Variants in AMACR observed in about 807,000 individuals in gnomAD.
AMACR encodes the protein 2-methylacyl-CoA racemase.
A neutral mutation model predicts 22.2 loss-of-function variants in AMACR; 18 were observed. The ratio of observed to expected loss-of-function variants is 0.81; its 90% confidence interval spans 0.56 to 1.20. The LOEUF (loss-of-function observed/expected upper bound fraction) is 1.20, where lower values mean the gene tolerates loss of function less well. Among genes scored for constraint, AMACR ranks in the 50% most tolerant of loss-of-function variants. The probability of loss-of-function intolerance (pLI) is 0.00; values close to 1 mark genes in which losing one functional copy is unlikely to be tolerated. For synonymous variants in AMACR, 213 were observed against 191.3 expected (o/e 1.11, Z -0.94); for missense variants, 499 against 490.6 (o/e 1.02, Z -0.16).
intron 4 of AMACR, among the ~76,000 whole-genome samples, chr5:33,993,173 A>G (rs917382228): frequency 9.2e-5 from 14 of 152,204 alleles, no homozygotes; most frequent in African/African-American, 2.9e-4. Context: ...AGAATCATAC[A>G]GTATTAGCCC....
chr5:34,004,765 TTTTAAA>T (rs1262099946), intron 2 of AMACR, 31 bp from the exon 3 acceptor site: 1 of 1,604,804 alleles, frequency 6.2e-7, no homozygotes, highest in Non-Finnish European at 8.5e-7. Flanking sequence ...TTAATGTCTC[TTTTAAA>T]TTTAATCTCT....
At position 34,007,931 on chromosome 5, in the gene AMACR, C is replaced by A; in HGVS notation, c.89G>T (p.Arg30Leu). ...GCCGGGCCGGTCCACGCGTACCACA[C>A]GCGCCCCGAAGTCAGCCAGGACCAT... ...CAMVLADFGA[R>L]VVRVDRPGSR... Residue 30 changes from arginine to leucine, a missense_variant, in exon 1 of 5, where the codon CGT becomes CTT. Physicochemically the swap from Arg to Leu is moderately radical, Grantham distance 102. Transcript: ENST00000335606. The A allele has an allele frequency of 6.2e-7, 1 of 1,610,172 alleles. No homozygotes were observed. The highest frequency in any genetic ancestry group is 1.1e-5 in the South Asian group (1 of 91,004).
At chr5:34,005,700 C>G (rs1753950601) in intron 2 of AMACR, 56 bp downstream of exon 2, 3 of 1,588,806 alleles carry the variant, frequency 1.9e-6, no homozygotes, top group Non-Finnish European at 2.6e-6. Context: ...ATCAACATAC[C>G]TGTAGATCTT....
chr5:33,987,987 T>C lies in AMACR; in HGVS notation c.*1106A>G. The C allele has an allele frequency of 5.1e-6, 1 of 195,852 alleles. No homozygotes were observed. The highest frequency in any genetic ancestry group is 1.0e-5 in the Non-Finnish European group (1 of 97,270). 12.1% of individuals were successfully genotyped at this position (195,852 alleles called of 1,614,324 possible). A position where few individuals can be genotyped will look rare whatever the true frequency, so the allele number is the denominator to read the frequency against. Reference sequence around the variant, plus strand: ...CCTTCTGAGTCTCTGTTTTCTCAACTGTAAGATGAAGAAACCTGCTCCACC... The same window carrying C: ...CCTTCTGAGTCTCTGTTTTCTCAACCGTAAGATGAAGAAACCTGCTCCACC... On this transcript the variant is annotated 3_prime_UTR_variant, in exon 5 of 5. Transcript: ENST00000335606.
At chr5:33,989,712 A>AT (rs1753417694) in intron 4 of AMACR, among the ~76,000 whole-genome samples, 1 of 152,142 alleles carries the variant, frequency 6.6e-6, no homozygotes, top group Non-Finnish European at 1.5e-5. Context: ...CACTACTGAG[A>AT]TTTTATTATT....
intron 1 of AMACR, 82 bp downstream of exon 1, chr5:34,007,691 G>A: frequency 6.9e-7 from 1 of 1,446,916 alleles, no homozygotes; most frequent in East Asian, 2.5e-5. Flanking sequence ...CAAAGGTGTG[G>A]CGGGTGCAGC....
At chr5:33,997,335 A>C (rs750393686) in intron 4 of AMACR, 1 of 774,900 alleles carries the variant, frequency 1.3e-6, no homozygotes, top group Non-Finnish European at 2.4e-6. Context: ...ATAAATTTTT[A>C]ATCATCATTG....
rs1334353417 is a variant in AMACR, at chr5:33,988,295, G to C, written c.*798C>G. The C allele has an allele frequency of 6.5e-7, 1 of 1,535,840 alleles. No individual in the cohort carries two copies. Among genetic ancestry groups the C allele is most frequent in the Non-Finnish European group, 8.7e-7 (1 of 1,145,268 alleles). ...GGAGACACAAAACGACTTGCTGGGG[G>C]GTCCTGAGATCTTTATTTCTGGATG... On this transcript the variant is annotated 3_prime_UTR_variant, in exon 5 of 5. Transcript: ENST00000335606.
At position 33,988,529 on chromosome 5, in the gene AMACR, G is replaced by T. The variant is rs1423508615; in HGVS notation, c.*564C>A. ...CATTATTTTGGATATGTTTTTTTCA[G>T]TTGAAGGCATTCTGATTCAATACAG... On this transcript the variant is annotated 3_prime_UTR_variant, in exon 5 of 5. Coordinates refer to ENST00000335606, the MANE Select transcript of AMACR (RefSeq NM_014324.6). 3.6e-6 allele frequency: 5 copies of T among 1,396,328 alleles called. No individual in the cohort carries two copies. The African/African-American group carries it at 5.8e-5, about 16-fold the overall frequency. The allele number at this position is 1,396,328 out of a possible 1,614,324, so 86.5% of individuals were successfully genotyped here.
chr5:34,004,958 C>T (rs183950734), intron 2 of AMACR, among the ~76,000 whole-genome samples: 1 of 152,308 alleles, frequency 6.6e-6, no homozygotes, highest in African/African-American at 2.4e-5. Flanking sequence ...AAACCTATTC[C>T]AACCAACATT....
chr5:34,007,994 A>C lies in AMACR; in HGVS notation c.26T>G (p.Val9Gly). The C allele has an allele frequency of 6.2e-7, 1 of 1,611,572 alleles. No homozygotes were observed. Among genetic ancestry groups the C allele is most frequent in the Non-Finnish European group, 8.5e-7 (1 of 1,179,766 alleles). The change falls in exon 1 of 5, where the codon GTG (valine) becomes GGG (glycine). Residue 9 changes from valine (V) to glycine (G), a missense_variant. Physicochemically the swap from Val to Gly is moderately radical, Grantham distance 109 (BLOSUM62 -3). Transcript: ENST00000335606. MALQGISV[V>G]ELSGLAPGPF... The stretch of plus-strand genomic sequence containing the variant: ...GCCCGGGGCCAGGCCGGACAGCTCC[A>C]CGACCGAGATGCCCTGCAGTGCCAT...
intron 4 of AMACR, among the ~76,000 whole-genome samples, chr5:33,996,106 T>C (rs1282879010): frequency 6.6e-6 from 1 of 152,096 alleles, no homozygotes. Flanking sequence ...GGCTCCATTC[T>C]CAGGGCTTGT....
At chr5:34,007,232 A>T (rs1754008485) in intron 1 of AMACR, among the ~76,000 whole-genome samples, 1 of 152,186 alleles carries the variant, frequency 6.6e-6, no homozygotes, top group Non-Finnish European at 1.5e-5. Context: ...GCCGCTCTGA[A>T]AGGGGGAAGT....
At chr5:33,990,813 A>T (rs1032166510) in intron 4 of AMACR, among the ~76,000 whole-genome samples, 1 of 152,238 alleles carries the variant, frequency 6.6e-6, no homozygotes, top group Non-Finnish European at 1.5e-5. Context: ...GGTTTTGAGG[A>T]CTATGAGGAA....
intron 3 of AMACR, among the ~76,000 whole-genome samples, chr5:34,002,816 C>T (rs1303624623): frequency 6.6e-6 from 1 of 152,180 alleles, no homozygotes; most frequent in Non-Finnish European, 1.5e-5. Flanking sequence ...AGATAAACCA[C>T]ACTCCCCTGC....
rs1476298544 is a variant in AMACR, at chr5:33,988,215, C to T, written c.*878G>A. On this transcript the variant is annotated 3_prime_UTR_variant, in exon 5 of 5. Transcript: ENST00000335606. Reference sequence around the variant, plus strand: ...GGCTGGTTTTATGTAAAGACAATCCCGTCTTCTTTGTCAAAGACAGGTATA... The same window carrying T: ...GGCTGGTTTTATGTAAAGACAATCCTGTCTTCTTTGTCAAAGACAGGTATA... The T allele has an allele frequency of 2.7e-5, 31 of 1,161,562 alleles. No individual in the cohort carries two copies. In the East Asian group the frequency reaches 4.7e-4, roughly 17 times the overall value. 72.0% of individuals were successfully genotyped at this position (1,161,562 alleles called of 1,614,324 possible). A position where few individuals can be genotyped will look rare whatever the true frequency, so the allele number is the denominator to read the frequency against.
chr5:33,988,286 T>C lies in AMACR; in HGVS notation c.*807A>G. 1 of 1,534,764 alleles carries C rather than the reference T, an allele frequency of 6.5e-7. No homozygotes were observed. The highest frequency in any genetic ancestry group is 1.2e-5 in the South Asian group (1 of 83,896). On this transcript the variant is annotated 3_prime_UTR_variant, in exon 5 of 5. Coordinates refer to ENST00000335606, the MANE Select transcript of AMACR (RefSeq NM_014324.6). Reference sequence around the variant, plus strand: ...TCAGTCCAAGGAGACACAAAACGACTTGCTGGGGGGTCCTGAGATCTTTAT... The same window carrying C: ...TCAGTCCAAGGAGACACAAAACGACCTGCTGGGGGGTCCTGAGATCTTTAT...
In AMACR at chr5:33,986,544, G is replaced by C. The variant is rs1753298663; in HGVS notation, c.*2549C>G. 6.6e-6 allele frequency: 1 copy of C among 152,210 alleles called. No individual in the cohort carries two copies. The highest frequency in any genetic ancestry group is 1.5e-5 in the Non-Finnish European group (1 of 68,046). 9.4% of individuals were successfully genotyped at this position (152,210 alleles called of 1,614,324 possible). A position where few individuals can be genotyped will look rare whatever the true frequency, so the allele number is the denominator to read the frequency against. The stretch of plus-strand genomic sequence containing the variant: ...ACACTGCATTTTGTGCTGCCTGTCT[G>C]CTCAGATCTATTTCCTTTGGTGCTC... On this transcript the variant is annotated 3_prime_UTR_variant, in exon 5 of 5. Transcript: ENST00000335606.
intron 4 of AMACR, among the ~76,000 whole-genome samples, chr5:33,993,340 G>C (rs1753540500): frequency 6.6e-6 from 1 of 152,020 alleles, no homozygotes; most frequent in African/African-American, 2.4e-5. Flanking sequence ...GGACACTTGA[G>C]TTGCTTCTAC....
Sources: allele counts gnomAD v4.1 joint callset (sites outside exome capture counted in the v4.1 genomes callset), GRCh38; gene constraint gnomAD v4.1.1; transcripts MANE v1.5; gene names NCBI Gene and HGNC (gene_info 2026-07-23, HGNC 2026-07-21).